Variants in ANKRD18A observed in about 807,000 individuals in gnomAD.
The protein encoded by ANKRD18A is ankyrin repeat domain-containing protein 18A.
A neutral mutation model predicts 110.6 loss-of-function variants in ANKRD18A; 72 were observed. The observed-to-expected ratio is 0.65, with a 90% CI of 0.54 to 0.79. The LOEUF (loss-of-function observed/expected upper bound fraction) is 0.79. Ranked by LOEUF, ANKRD18A falls within the 30% of genes least tolerant of loss-of-function variation. ANKRD18A has a pLI of 0.00. For missense variants in ANKRD18A, 934 were observed against 1,163.3 expected (o/e 0.80, Z 2.87); for synonymous variants, 305 against 410.3 (o/e 0.74, Z 3.10).
chr9:38,573,498 CAA>C (rs1823742102), intron 15 of ANKRD18A, among the ~76,000 whole-genome samples: 1 of 152,106 alleles, frequency 6.6e-6, no homozygotes, highest in Admixed American at 6.5e-5. Context: ...GGGCAGATCA[CAA>C]AGTCAAGAGA....
chr9:38,588,050 T>C (rs1163100847), intron 11 of ANKRD18A, among the ~76,000 whole-genome samples: 1 of 152,200 alleles, frequency 6.6e-6, no homozygotes, highest in Non-Finnish European at 1.5e-5. Context: ...ATCGCGTCAT[T>C]GCACTCCAGC....
chr9:38,603,061 A>G (rs1186219866), intron 7 of ANKRD18A, 98 bp downstream of exon 7: 8 of 1,478,946 alleles, frequency 5.4e-6, no homozygotes, highest in African/African-American at 1.4e-5. Context: ...TACTCCATGG[A>G]TTTGTGACAA....
At chr9:38,614,230 T>G (rs1318516944) in intron 3 of ANKRD18A, among the ~76,000 whole-genome samples, 6,997 of 144,648 alleles carry the variant, frequency 0.048, 522 homozygotes, top group African/African-American at 0.16. Context: ...TTTTTTTTTT[T>G]TTTTTTTTTT....
chr9:38,567,358 C>T (rs1823507350), downstream of ANKRD18A: 1 of 152,216 alleles, frequency 6.6e-6, no homozygotes. Context: ...CATCCTTGAA[C>T]TGGAAACAGT....
At chr9:38,569,481 T>G, downstream of ANKRD18A, 8 of 978,766 alleles carry the variant, frequency 8.2e-6, no homozygotes, top group Non-Finnish European at 9.7e-6. Context: ...TCACAGAGAC[T>G]GCTGCGTGTC....
chr9:38,596,218 T>A lies in ANKRD18A; in HGVS notation c.1122A>T (p.Arg374Ser), dbSNP rs1299179145. The A allele has an allele frequency of 6.5e-7, 1 of 1,537,714 alleles. No homozygotes were observed. Among genetic ancestry groups the A allele is most frequent in the Non-Finnish European group, 8.8e-7 (1 of 1,142,690 alleles). ...EINANFEKSV[R>S]LNEKMITKTV... ...TTTTTGTTATCATTTTTTCATTGAG[T>A]CTTACACTCTTTTCAAAGTTAGCAT... Residue 374 changes from arginine to serine, a missense_variant, in exon 9 of 16, where the codon AGA becomes AGT. Physicochemically the swap from Arg to Ser is moderately radical, Grantham distance 110 (BLOSUM62 -1). Coordinates refer to ENST00000399703, the MANE Select transcript of ANKRD18A (RefSeq NM_147195.4).
chr9:38,602,069 G>A (rs529234561), intron 7 of ANKRD18A, among the ~76,000 whole-genome samples: 40 of 147,882 alleles, frequency 2.7e-4, no homozygotes, highest in Non-Finnish European at 4.5e-4. Flanking sequence ...TTTTCTCCAC[G>A]TACACAGGTG....
At chr9:38,617,180 G>C (rs184116953) in intron 1 of ANKRD18A, among the ~76,000 whole-genome samples, 6 of 152,164 alleles carry the variant, frequency 3.9e-5, no homozygotes, top group African/African-American at 1.4e-4. Flanking sequence ...AGTGGCTCAC[G>C]CCTGTGATCC....
chr9:38,606,470 T>A (rs1825364095), intron 6 of ANKRD18A, among the ~76,000 whole-genome samples: 1 of 152,218 alleles, frequency 6.6e-6, no homozygotes, highest in Non-Finnish European at 1.5e-5. Flanking sequence ...GTATATTTTT[T>A]TCTTTTCTAT....
intron 12 of ANKRD18A, among the ~76,000 whole-genome samples, chr9:38,578,947 T>G (rs1449268554): frequency 6.6e-6 from 1 of 152,158 alleles, no homozygotes; most frequent in Non-Finnish European, 1.5e-5. Context: ...TTCCCTAAAC[T>G]GCAAATGTTT....
chr9:38,613,736 T>C (rs1421861053), intron 3 of ANKRD18A, among the ~76,000 whole-genome samples: 17 of 152,298 alleles, frequency 1.1e-4, no homozygotes, highest in East Asian at 9.7e-4. Context: ...ATAAACTTAA[T>C]AGGCATACTG....
chr9:38,618,346 G>A (rs891024226), intron 1 of ANKRD18A, among the ~76,000 whole-genome samples: 1 of 152,176 alleles, frequency 6.6e-6, no homozygotes, highest in Non-Finnish European at 1.5e-5. Flanking sequence ...TAGTATGTTT[G>A]TGTGTATGTG....
intron 11 of ANKRD18A, among the ~76,000 whole-genome samples, chr9:38,587,736 C>A (rs1824446922): frequency 6.6e-6 from 1 of 152,128 alleles, no homozygotes; most frequent in Admixed American, 6.5e-5. Flanking sequence ...AATAAAAATT[C>A]AAACTAGATA....
intron 1 of ANKRD18A, among the ~76,000 whole-genome samples, chr9:38,616,386 A>G (rs1208543004): frequency 6.6e-6 from 1 of 152,246 alleles, no homozygotes; most frequent in Non-Finnish European, 1.5e-5. Context: ...CACCACTGTG[A>G]TGCTTAAATG....
chr9:38,572,308 G>A (rs1487568639), intron 15 of ANKRD18A: 7 of 312,598 alleles, frequency 2.2e-5, no homozygotes, highest in Non-Finnish European at 4.2e-5. Flanking sequence ...ACTAGAGCCA[G>A]CACTGGAATT....
In ANKRD18A at chr9:38,593,742, G is replaced by A; in HGVS notation, c.2004+18C>T. On this transcript the variant is annotated intron_variant, in intron 10 of 15. Coordinates refer to ENST00000399703, the MANE Select transcript of ANKRD18A (RefSeq NM_147195.4). ...CCAGCTACAGATTAACTGTCTACAT[G>A]TTAAATTCCATACATACTTGAATTT... 6.6e-7 allele frequency: 1 copy of A among 1,514,188 alleles called. No individual in the cohort carries two copies. The highest frequency in any genetic ancestry group is 8.8e-7 in the Non-Finnish European group (1 of 1,131,800). The allele number at this position is 1,514,188 out of a possible 1,614,324, so 93.8% of individuals were successfully genotyped here.
intron 8 of ANKRD18A, among the ~76,000 whole-genome samples, chr9:38,600,675 CA>C (rs1825083133): frequency 6.6e-6 from 1 of 152,052 alleles, no homozygotes; most frequent in African/African-American, 2.4e-5. Context: ...AACCAGAAAC[CA>C]AAAAACAGAA....
intron 5 of ANKRD18A, 53 bp from the exon 6 acceptor site, chr9:38,607,546 A>G (rs1825417133): frequency 1.6e-6 from 2 of 1,236,288 alleles, no homozygotes; most frequent in Admixed American, 6.8e-5. Flanking sequence ...TATGAAAAAT[A>G]TTTGCCAAAC....
intron 10 of ANKRD18A, among the ~76,000 whole-genome samples, chr9:38,591,359 C>T (rs1026676964): frequency 2.0e-5 from 3 of 152,146 alleles, no homozygotes; most frequent in Non-Finnish European, 2.9e-5. Flanking sequence ...ACTAGCCGTG[C>T]GACCTTGAGC....
Sources: allele counts gnomAD v4.1 joint callset (sites outside exome capture counted in the v4.1 genomes callset), GRCh38; gene constraint gnomAD v4.1.1; transcripts MANE v1.5; gene names NCBI Gene and HGNC (gene_info 2026-07-23, HGNC 2026-07-21).